JAZF1: variants seen among roughly 807,000 people sequenced by gnomAD.
The protein encoded by JAZF1 is JAZF zinc finger 1, also known as juxtaposed with another zinc finger protein 1.
In JAZF1, 8 loss-of-function variants were observed where a neutral mutation model predicts 26.4. That is an observed-to-expected ratio of 0.30 (90% confidence interval 0.18 to 0.55). The LOEUF is 0.55. JAZF1 is among the 20% of genes least tolerant of loss of function. The pLI is 0.94. For missense variants in JAZF1, 199 were observed against 322.0 expected (o/e 0.62, Z 2.92); for synonymous variants, 126 against 122.3 (o/e 1.03, Z -0.20).
chr7:28,110,972 G>A (rs758300647), intron 1 of JAZF1, among the ~76,000 whole-genome samples: 49 of 152,176 alleles, frequency 3.2e-4, no homozygotes, highest in Non-Finnish European at 6.5e-4. Flanking sequence ...TTAAAAACTA[G>A]GGTGGGGGAA....
chr7:28,153,750 T>C (rs1182259650), intron 1 of JAZF1, among the ~76,000 whole-genome samples: 3 of 152,184 alleles, frequency 2.0e-5, no homozygotes, highest in African/African-American at 7.2e-5. Flanking sequence ...TACAGAGACT[T>C]ATTTCATTGA....
intron 3 of JAZF1, among the ~76,000 whole-genome samples, chr7:27,844,971 T>A (rs1782990449): frequency 6.6e-6 from 1 of 152,210 alleles, no homozygotes; most frequent in African/African-American, 2.4e-5. Context: ...AACTCCACCC[T>A]ATAAGCCAAA....
chr7:28,047,867 T>C (rs2128379004), intron 1 of JAZF1, among the ~76,000 whole-genome samples: 1 of 152,296 alleles, frequency 6.6e-6, no homozygotes, highest in East Asian at 1.9e-4. Flanking sequence ...TACACTTATA[T>C]TGATAAATTA....
rs75811207 is a variant in JAZF1, at chr7:27,859,918, G to A, written c.386-19051C>T. Among the ~76,000 whole-genome samples, 860 of 152,228 alleles carry A rather than the reference G, an allele frequency of 5.6e-3. 6 individuals are homozygous for A. Among genetic ancestry groups the A allele is most frequent in the African/African-American group, 0.016 (669 of 41,526 alleles). ...TCAAATAAAAGTCTGTAAAGTCTAC[G>A]ATAATTGTACAAGTGCACGACAGTA... On this transcript the variant is annotated intron_variant, in intron 3 of 4. Transcript: ENST00000283928.
At chr7:27,837,500 G>A (rs1782837755) in intron 4 of JAZF1, among the ~76,000 whole-genome samples, 1 of 152,256 alleles carries the variant, frequency 6.6e-6, no homozygotes, top group South Asian at 2.1e-4. Flanking sequence ...CATGTGCTGG[G>A]TGCTGAGGAG....
At chr7:27,954,164 C>T (rs773587911) in intron 2 of JAZF1, among the ~76,000 whole-genome samples, 1 of 152,190 alleles carries the variant, frequency 6.6e-6, no homozygotes, top group Non-Finnish European at 1.5e-5. Flanking sequence ...TCTGTAGTAG[C>T]CCAGCTCAGG....
At chr7:27,915,808 T>C (rs897345830) in intron 2 of JAZF1, among the ~76,000 whole-genome samples, 6 of 152,224 alleles carry the variant, frequency 3.9e-5, no homozygotes, top group African/African-American at 1.4e-4. Flanking sequence ...TCCATTTTGG[T>C]TAATAAGGCA....
intron 2 of JAZF1, among the ~76,000 whole-genome samples, chr7:27,984,730 G>T (rs1215590633): frequency 6.6e-6 from 1 of 152,152 alleles, no homozygotes; most frequent in African/African-American, 2.4e-5. Context: ...AAACGTAAAA[G>T]AACAGAAATT....
At position 27,831,028 on chromosome 7, in the gene JAZF1, T is replaced by A. The variant is rs144683734; in HGVS notation, c.*1772A>T. The A allele has an allele frequency of 7.2e-4, 160 of 221,040 alleles. 1 individual carries two copies. In the East Asian group the frequency reaches 0.01, roughly 14 times the overall value. 13.7% of individuals were successfully genotyped at this position (221,040 alleles called of 1,614,324 possible). ...TTTTTTGGTCAATTGTAGGTAGATA[T>A]GAAATAGCCAAGTGGGGCCTTCTTA... is the stretch of plus-strand genomic sequence containing the variant. On this transcript the variant is annotated 3_prime_UTR_variant, in exon 5 of 5. Coordinates refer to ENST00000283928, the MANE Select transcript of JAZF1 (RefSeq NM_175061.4).
At chr7:27,925,504 C>T (rs1183517762) in intron 2 of JAZF1, among the ~76,000 whole-genome samples, 1 of 152,166 alleles carries the variant, frequency 6.6e-6, no homozygotes, top group African/African-American at 2.4e-5. Context: ...TCATTGCAGC[C>T]TCTAACTCTT....
chr7:28,128,610 T>C (rs571071729), intron 1 of JAZF1, among the ~76,000 whole-genome samples: 1 of 152,332 alleles, frequency 6.6e-6, no homozygotes, highest in South Asian at 2.1e-4. Context: ...TGTGCATTAA[T>C]AAGCCCTCCA....
rs146509830 is a variant in JAZF1, at chr7:28,152,594, T to C, written c.115+27869A>G. On this transcript the variant is annotated intron_variant, in intron 1 of 4. Transcript: ENST00000283928. Reference sequence around the variant, plus strand: ...GGGAAAAGAAAAATCAAAGGCCATATAAGTAATAACAAATGAATCCTGACT... The same window carrying C: ...GGGAAAAGAAAAATCAAAGGCCATACAAGTAATAACAAATGAATCCTGACT... Among the ~76,000 whole-genome samples the C allele has an allele frequency of 3.8e-3, 573 of 152,324 alleles. 4 individuals carry two copies. Among genetic ancestry groups the C allele is most frequent in the African/African-American group, 0.013 (550 of 41,564 alleles).
At chr7:28,168,975 T>C (rs1056678756) in intron 1 of JAZF1, among the ~76,000 whole-genome samples, 1 of 152,194 alleles carries the variant, frequency 6.6e-6, no homozygotes, top group Non-Finnish European at 1.5e-5. Context: ...CCCAAGTGAT[T>C]GTGAATGGCA....
intron 1 of JAZF1, chr7:28,020,440 A>G (rs1371261159): frequency 2.6e-6 from 1 of 377,562 alleles, no homozygotes. Flanking sequence ...ACAAACGAGG[A>G]GAGCCAGCGC....
chr7:27,999,865 C>T (rs1267456814), intron 1 of JAZF1, among the ~76,000 whole-genome samples: 1 of 152,170 alleles, frequency 6.6e-6, no homozygotes, highest in African/African-American at 2.4e-5. Flanking sequence ...TGGTAAATGA[C>T]TTTACCAGGA....
intron 1 of JAZF1, among the ~76,000 whole-genome samples, chr7:28,120,128 C>A (rs1784815036): frequency 6.6e-6 from 1 of 152,028 alleles, no homozygotes; most frequent in South Asian, 2.1e-4. Flanking sequence ...CTTGCAACAG[C>A]ACTTATCTTA....
chr7:27,945,790 G>A (rs537427955), intron 2 of JAZF1, among the ~76,000 whole-genome samples: 1 of 152,284 alleles, frequency 6.6e-6, no homozygotes, highest in East Asian at 1.9e-4. Flanking sequence ...GAGTTCATGA[G>A]TGATCTAGAA....
At chr7:27,988,315 C>A (rs1303055210) in intron 2 of JAZF1, among the ~76,000 whole-genome samples, 1 of 151,894 alleles carries the variant, frequency 6.6e-6, no homozygotes, top group Non-Finnish European at 1.5e-5. Flanking sequence ...CTTTGACAAC[C>A]AGCCTTTATA....
intron 1 of JAZF1, among the ~76,000 whole-genome samples, chr7:28,044,311 T>C (rs1326586850): frequency 6.6e-6 from 1 of 152,178 alleles, no homozygotes; most frequent in African/African-American, 2.4e-5. Context: ...CAGCTTGCTA[T>C]GAACCTTGAA....
Sources: allele counts gnomAD v4.1 joint callset (sites outside exome capture counted in the v4.1 genomes callset), GRCh38; gene constraint gnomAD v4.1.1; transcripts MANE v1.5; gene names NCBI Gene and HGNC (gene_info 2026-07-23, HGNC 2026-07-21).